Variants in TSPAN15 observed in about 807,000 individuals in gnomAD.
The protein encoded by TSPAN15 is tetraspanin 15, also known as tetraspanin-15.
Under a neutral mutation model 34.5 loss-of-function variants are expected in TSPAN15, and 20 were observed. The observed-to-expected ratio is 0.58, with a 90% CI of 0.41 to 0.84. The LOEUF is 0.84. TSPAN15 is among the 40% of genes least tolerant of loss of function. The pLI is 0.00. For synonymous variants in TSPAN15, 155 were observed against 153.9 expected (o/e 1.01, Z -0.05); for missense variants, 313 against 386.1 (o/e 0.81, Z 1.59).
At chr10:69,491,093 C>T (rs1841958810) in intron 3 of TSPAN15, among the ~76,000 whole-genome samples, 1 of 152,242 alleles carries the variant, frequency 6.6e-6, no homozygotes, top group South Asian at 2.1e-4. Flanking sequence ...CCCTCTCCCA[C>T]CATGGAGATG....
At chr10:69,477,609 G>C (rs2133100378) in intron 1 of TSPAN15, among the ~76,000 whole-genome samples, 1 of 152,334 alleles carries the variant, frequency 6.6e-6, no homozygotes, top group South Asian at 2.1e-4. Flanking sequence ...TCAAGAGCTT[G>C]CTAGCCACAC....
intron 3 of TSPAN15, among the ~76,000 whole-genome samples, chr10:69,489,071 A>G (rs1228483377): frequency 2.0e-5 from 3 of 152,198 alleles, no homozygotes; most frequent in African/African-American, 4.8e-5. Flanking sequence ...CAACTGCATA[A>G]GAGAGACACT....
intron 1 of TSPAN15, 133 bp downstream of exon 1, chr10:69,451,823 C>A: frequency 1.6e-6 from 1 of 608,910 alleles, no homozygotes; most frequent in South Asian, 5.8e-5. Flanking sequence ...GACTCCTTGT[C>A]TTTCTACCTC....
the TSPAN15 span, among the ~76,000 whole-genome samples, chr10:69,535,054 A>G: frequency 6.6e-6 from 1 of 152,070 alleles, no homozygotes; most frequent in African/African-American, 2.4e-5. Flanking sequence ...CTGTTGAGGT[A>G]TTTTATCTTA....
chr10:69,482,079 A>C (rs1841745477), intron 1 of TSPAN15, among the ~76,000 whole-genome samples: 1 of 152,162 alleles, frequency 6.6e-6, no homozygotes, highest in South Asian at 2.1e-4. Context: ...AAAAAAAAAA[A>C]AAACCAACCA....
chr10:69,462,161 T>TTTTTTG (rs1841279209), intron 1 of TSPAN15, among the ~76,000 whole-genome samples: 1 of 116,020 alleles, frequency 8.6e-6, no homozygotes, highest in Non-Finnish European at 1.8e-5. Flanking sequence ...TAAAGTTTTT[T>TTTTTTG]TTTTTTTTTT....
chr10:69,529,679 A>G, the TSPAN15 span, among the ~76,000 whole-genome samples: 3 of 147,538 alleles, frequency 2.0e-5, no homozygotes, highest in Admixed American at 7.0e-5. Flanking sequence ...TGTGTCTACT[A>G]TCTTTATTTT....
At chr10:69,510,707 T>C (rs1589659985), downstream of TSPAN15, among the ~76,000 whole-genome samples, 1 of 152,232 alleles carries the variant, frequency 6.6e-6, no homozygotes, top group African/African-American at 2.4e-5. Context: ...ATATTGGCTG[T>C]GGGTTTGTCA....
At chr10:69,476,806 G>C (rs1415797204) in intron 1 of TSPAN15, among the ~76,000 whole-genome samples, 14 of 152,020 alleles carry the variant, frequency 9.2e-5, no homozygotes, top group Non-Finnish European at 1.0e-4. Context: ...TTGGGGTTGT[G>C]GGGGAGCCCC....
the TSPAN15 span, among the ~76,000 whole-genome samples, chr10:69,523,081 G>A: frequency 1.4e-5 from 2 of 147,756 alleles, 1 homozygote; most frequent in Non-Finnish European, 3.0e-5. Flanking sequence ...GGTCCATTTT[G>A]AGTTTTGTGT....
At chr10:69,512,498 G>T (rs1842425069), downstream of TSPAN15, among the ~76,000 whole-genome samples, 1 of 152,172 alleles carries the variant, frequency 6.6e-6, no homozygotes. Context: ...ATGTGTCAGT[G>T]AAACCATCAC....
chr10:69,520,371 G>A, the TSPAN15 span, among the ~76,000 whole-genome samples: 1 of 152,170 alleles, frequency 6.6e-6, no homozygotes, highest in Non-Finnish European at 1.5e-5. Flanking sequence ...TATGGCTGAG[G>A]AATATTTCTG....
the TSPAN15 span, among the ~76,000 whole-genome samples, chr10:69,548,401 AG>A: frequency 1.3e-5 from 2 of 152,256 alleles, no homozygotes; most frequent in African/African-American, 2.4e-5. Context: ...TCCAGTTGTA[AG>A]GGAAGCCCTA....
chr10:69,508,072 G>A (rs796242295), downstream of TSPAN15, among the ~76,000 whole-genome samples: 22 of 152,210 alleles, frequency 1.4e-4, no homozygotes, highest in African/African-American at 5.1e-4. Flanking sequence ...GCGTGCGTCA[G>A]TCCACTCAAA....
chr10:69,524,764 A>T, the TSPAN15 span, among the ~76,000 whole-genome samples: 1 of 136,438 alleles, frequency 7.3e-6, no homozygotes. Flanking sequence ...AAATAACAAG[A>T]TTATATATAT....
intron 1 of TSPAN15, among the ~76,000 whole-genome samples, chr10:69,468,729 A>G (rs1841441848): frequency 6.6e-6 from 1 of 151,908 alleles, no homozygotes; most frequent in Non-Finnish European, 1.5e-5. Flanking sequence ...GCCTTCCCAG[A>G]AAGGGCATTC....
At chr10:69,538,830 C>T in the TSPAN15 span, among the ~76,000 whole-genome samples, 1 of 152,214 alleles carries the variant, frequency 6.6e-6, no homozygotes, top group Non-Finnish European at 1.5e-5. Context: ...GTCCACAGCT[C>T]CCTGCAAAGA....
At chr10:69,484,859 G>A (rs1036223894) in intron 2 of TSPAN15, among the ~76,000 whole-genome samples, 9 of 152,162 alleles carry the variant, frequency 5.9e-5, no homozygotes, top group Non-Finnish European at 1.2e-4. Flanking sequence ...GGGGAAGGGC[G>A]TGCTCTTCCA....
intron 3 of TSPAN15, among the ~76,000 whole-genome samples, chr10:69,488,274 C>T (rs966768974): frequency 2.6e-5 from 4 of 151,960 alleles, no homozygotes; most frequent in African/African-American, 4.8e-5. Context: ...AGGCCAGTGG[C>T]GGGGATGGGG....
Sources: allele counts gnomAD v4.1 joint callset (sites outside exome capture counted in the v4.1 genomes callset), GRCh38; gene constraint gnomAD v4.1.1; transcripts MANE v1.5; gene names NCBI Gene and HGNC (gene_info 2026-07-23, HGNC 2026-07-21).